DPH2: variants seen among roughly 807,000 people sequenced by gnomAD.
DPH2 encodes 2-(3-amino-3-carboxypropyl)histidine synthase subunit 2.
In DPH2, 28 loss-of-function variants were observed where a neutral mutation model predicts 42.5. The observed-to-expected ratio is 0.66, with a 90% CI of 0.49 to 0.90. DPH2 has a LOEUF of 0.90. Among genes scored for constraint, DPH2 ranks in the 40% least tolerant of loss-of-function variants. DPH2 has a pLI of 0.00. For missense variants in DPH2, 576 were observed against 636.0 expected (o/e 0.91, Z 1.01); for synonymous variants, 279 against 264.4 (o/e 1.06, Z -0.53).
Position 43,971,106 on chromosome 1 carries a change from G to C in DPH2, c.401G>C (p.Cys134Ser). Residue 134 changes from cysteine to serine, a missense_variant, in exon 3 of 6, where the codon TGT (cysteine) becomes TCT (serine). Cys to Ser is a moderately radical substitution (Grantham distance 112). Around this residue, in one of 3 missense-constraint regions of DPH2, gnomAD observed 395 missense variants for 435.2 expected, o/e 0.91. Transcript: ENST00000255108. ...CAACGTTCTGTGGCCTTGGAGCTCT[G>C]TGTCAAGGCCTTTGAGGCCCAGAAC... ...LRQRSVALEL[C>S]VKAFEAQNPD... is the part of the protein sequence containing the mutation. 6.4e-7 allele frequency: 1 copy of C among 1,559,440 alleles called. No individual in the cohort carries two copies. The highest frequency in any genetic ancestry group is 1.2e-5 in the South Asian group (1 of 84,890).
At chr1:43,970,439 C>T (rs577804660) in intron 1 of DPH2, 117 bp downstream of exon 1, 3 of 1,534,270 alleles carry the variant, frequency 2.0e-6, no homozygotes, top group Non-Finnish European at 2.7e-6. Context: ...CTGTCCGCAG[C>T]GCGTTGACCA....
chr1:43,972,634 C>CT lies in DPH2; in HGVS notation c.*97dup. The CT allele has an allele frequency of 6.5e-7, 1 of 1,548,042 alleles. No individual in the cohort carries two copies. Among genetic ancestry groups the CT allele is most frequent in the Non-Finnish European group, 8.8e-7 (1 of 1,139,792 alleles). ...AACCTCCCATCCCCCTGCCAAGATC[C>CT]TTGAAGGACCCTGGAAGGAGGGAGA... On this transcript the variant is annotated 3_prime_UTR_variant, in exon 6 of 6. Transcript: ENST00000255108.
rs1371496047 is a variant in DPH2 at position 43,971,949 on chromosome 1, G to T, written c.1047G>T (p.Gln349His). 12 of 1,614,240 alleles carry T rather than the reference G, an allele frequency of 7.4e-6. No individual in the cohort carries two copies. Among genetic ancestry groups the T allele is most frequent in the Non-Finnish European group, 9.3e-6 (11 of 1,180,050 alleles). The change falls in exon 4 of 6, where the codon CAG becomes CAT. Residue 349 changes from glutamine to histidine, a missense_variant. By Grantham distance (24) the Gln-to-His change is conservative (BLOSUM62 0). This residue lies in a region of DPH2 where 178 missense variants were observed against 184.4 expected (regional missense o/e 0.97). Transcript: ENST00000255108. ...GTCCTCTGGGTGCTCTAGCCCCCCA[G>T]CTTTCTGGTAGCTTCTTCCAGCCTA... is the stretch of plus-strand genomic sequence containing the variant. The part of the protein sequence containing the change: ...LACPLGALAP[Q>H]LSGSFFQPIL...
chr1:43,971,408 G>T lies in DPH2; in HGVS notation c.506G>T (p.Arg169Leu). 1 of 1,597,138 alleles carries T rather than the reference G, an allele frequency of 6.3e-7. No individual in the cohort carries two copies. Among genetic ancestry groups the T allele is most frequent in the Non-Finnish European group, 8.6e-7 (1 of 1,169,422 alleles). The change falls in exon 4 of 6, where the codon CGC becomes CTC. Residue 169 changes from arginine to leucine, a missense_variant. Arg to Leu is a moderately radical substitution (Grantham distance 102). This residue lies in a region of DPH2 where 395 missense variants were observed against 435.2 expected (regional missense o/e 0.91). Transcript: ENST00000255108. ...CCAGAGGCTTTGGCTACTCTCCTGCGCCCACGGTACCTGGACCTGCTAGTC... is the reference window on the plus strand; with the variant it reads ...CCAGAGGCTTTGGCTACTCTCCTGCTCCCACGGTACCTGGACCTGCTAGTC... ...HALEALATLL[R>L]PRYLDLLVSS...
rs975551270 is a variant in DPH2 at position 43,970,074 on chromosome 1, C to G, written c.-102C>G. ...GGCCGACTGTGATTCCCCCTACCCC[C>G]ACAAGGCGATTTTGACCCCCTGAGG... On this transcript the variant is annotated 5_prime_UTR_variant, in exon 1 of 6. Transcript: ENST00000255108. 3 of 1,413,814 alleles carry G rather than the reference C, an allele frequency of 2.1e-6. No individual in the cohort carries two copies. The highest frequency in any genetic ancestry group is 4.7e-5 in the East Asian group (2 of 42,288). 87.6% of individuals were successfully genotyped at this position (1,413,814 alleles called of 1,614,324 possible). A position where few individuals can be genotyped will look rare whatever the true frequency, so the allele number is the denominator to read the frequency against.
Position 43,970,083 on chromosome 1 carries a change from AT to A in DPH2, c.-89del, listed in dbSNP as rs1335294214. The A allele has an allele frequency of 6.8e-6, 10 of 1,478,370 alleles. No individual in the cohort carries two copies. Among genetic ancestry groups the A allele is most frequent in the Non-Finnish European group, 6.4e-6 (7 of 1,100,552 alleles). The allele number at this position is 1,478,370 out of a possible 1,614,324, so 91.6% of individuals were successfully genotyped here. Reference sequence around the variant, plus strand: ...TGATTCCCCCTACCCCCACAAGGCGATTTTGACCCCCTGAGGGCTGCTCTAG... The same window carrying A: ...TGATTCCCCCTACCCCCACAAGGCGATTTGACCCCCTGAGGGCTGCTCTAG... On this transcript the variant is annotated 5_prime_UTR_variant, in exon 1 of 6. The change creates a premature stop within an existing upstream ORF in the 5' untranslated region. Coordinates refer to ENST00000255108, the MANE Select transcript of DPH2 (RefSeq NM_001384.5).
chr1:43,972,020 C>A lies in DPH2; in HGVS notation c.1118C>A (p.Pro373Gln). ...ELEAACNPAW[P>Q]PPGLAPHLTH... The stretch of plus-strand genomic sequence containing the variant: ...GAAGCTGCCTGCAACCCTGCCTGGC[C>A]ACCTCCAGGCCTGGCTCCCCACCTC... Residue 373 changes from proline (P) to glutamine (Q), a missense_variant, in exon 4 of 6, where the codon CCA (proline) becomes CAA (glutamine). This residue lies in a region of DPH2 where 178 missense variants were observed against 184.4 expected (regional missense o/e 0.97). Coordinates refer to ENST00000255108, the MANE Select transcript of DPH2 (RefSeq NM_001384.5). 6.2e-7 allele frequency: 1 copy of A among 1,614,170 alleles called. No individual in the cohort carries two copies. The highest frequency in any genetic ancestry group is 1.1e-5 in the South Asian group (1 of 91,092).
chr1:43,971,116 C>T lies in DPH2; in HGVS notation c.411C>T (p.Ala137=). 6.4e-7 allele frequency: 1 copy of T among 1,558,632 alleles called. No individual in the cohort carries two copies. The highest frequency in any genetic ancestry group is 8.7e-7 in the Non-Finnish European group (1 of 1,150,230). ...RSVALELCVK[A]FEAQNPDPKA... is the part of the protein sequence containing the mutation. Reference sequence around the variant, plus strand: ...TGGCCTTGGAGCTCTGTGTCAAGGCCTTTGAGGCCCAGAACCCAGACCCCA... The same window carrying T: ...TGGCCTTGGAGCTCTGTGTCAAGGCTTTTGAGGCCCAGAACCCAGACCCCA... Residue 137 remains alanine (A), a synonymous_variant, in exon 3 of 6, where the codon GCC becomes GCT. Transcript: ENST00000255108.
chr1:43,972,165 C>G lies in DPH2; in HGVS notation c.1176C>G (p.Pro392=), dbSNP rs1557642928. 1 of 1,613,638 alleles carries G rather than the reference C, an allele frequency of 6.2e-7. No homozygotes were observed. The part of the protein sequence containing the change: ...THYADLLPGS[P]FHVALPPPES... ...TTTCCTCCTCCCTTTCAGGCTCTCC[C>G]TTCCACGTGGCTCTCCCACCACCTG... The change falls in exon 5 of 6, where the codon CCC becomes CCG. Residue 392 remains proline (P), a synonymous_variant. Transcript: ENST00000255108.
chr1:43,970,492 G>A, intron 1 of DPH2, 104 bp from the exon 2 acceptor site: 1 of 1,519,020 alleles, frequency 6.6e-7, no homozygotes, highest in African/African-American at 1.4e-5. Flanking sequence ...TGCCCCTCTG[G>A]GACCAGGGGC....
Position 43,970,328 on chromosome 1 carries a change from G to A in DPH2, c.147+6G>A. 6.2e-7 allele frequency: 1 copy of A among 1,613,702 alleles called. No individual in the cohort carries two copies. The highest frequency in any genetic ancestry group is 8.5e-7 in the Non-Finnish European group (1 of 1,179,788). The stretch of plus-strand genomic sequence containing the variant: ...GCGACCTGGGGTGTGAACGAGTGAG[G>A]ACAGACTTAGGGAAGGGTGGCTCGC... On this transcript the variant is annotated splice_donor_region_variant and intron_variant, in intron 1 of 5. Coordinates refer to ENST00000255108, the MANE Select transcript of DPH2 (RefSeq NM_001384.5).
chr1:43,970,570 C>T (rs773001958), intron 1 of DPH2, 26 bp from the exon 2 acceptor site: 16 of 1,611,158 alleles, frequency 9.9e-6, no homozygotes, highest in African/African-American at 1.3e-5. Context: ...AGAGGCTGTC[C>T]CTGACTCCAT....
At position 43,970,197 on chromosome 1, in the gene DPH2, CCTGCCGAGGCGGCG is replaced by C. The variant is rs760370833; in HGVS notation, c.27_40del (p.Glu10AlafsTer34). ...CCTCATGGAGTCGATGTTTAGCAGC[CCTGCCGAGGCGGCG>C]CTGCAGCGAGAGACCGGGGTGCCAG... On this transcript the variant is annotated frameshift_variant, in exon 1 of 6. Coordinates refer to ENST00000255108, the MANE Select transcript of DPH2 (RefSeq NM_001384.5). LOFTEE classifies it high-confidence loss of function. 28 of 1,614,010 alleles carry C rather than the reference CCTGCCGAGGCGGCG, an allele frequency of 1.7e-5. No individual in the cohort carries two copies. Among genetic ancestry groups the C allele is most frequent in the Non-Finnish European group, 2.4e-5 (28 of 1,180,018 alleles).
Position 43,972,076 on chromosome 1 carries a change from T to G in DPH2, c.1168+6T>G. ...TTATGCGGACTTATTGCCTGGTGAG[T>G]AGTGGGGGCATTGCCTAAGCTGGAA... On this transcript the variant is annotated splice_donor_region_variant and intron_variant, in intron 4 of 5. Coordinates refer to ENST00000255108, the MANE Select transcript of DPH2 (RefSeq NM_001384.5). 1 of 1,611,290 alleles carries G rather than the reference T, an allele frequency of 6.2e-7. No homozygotes were observed. The highest frequency in any genetic ancestry group is 8.5e-7 in the Non-Finnish European group (1 of 1,178,026).
In DPH2 at chr1:43,971,138, C is replaced by G; in HGVS notation, c.433C>G (p.Pro145Ala). The change falls in exon 3 of 6, where the codon CCC (proline) becomes GCC (alanine). Residue 145 changes from proline (P) to alanine (A), a missense_variant. Coordinates refer to ENST00000255108, the MANE Select transcript of DPH2 (RefSeq NM_001384.5). ...GGCCTTTGAGGCCCAGAACCCAGAC[C>G]CCAAAGCGCCTGTGGTGCTGCTGAG... ...VKAFEAQNPD[P>A]KAPVVLLSEP... 6.4e-7 allele frequency: 1 copy of G among 1,557,260 alleles called. No homozygotes were observed. Among genetic ancestry groups the G allele is most frequent in the Non-Finnish European group, 8.7e-7 (1 of 1,149,642 alleles).
chr1:43,971,607 T>G lies in DPH2; in HGVS notation c.705T>G (p.Ser235Arg). 1 of 1,613,852 alleles carries G rather than the reference T, an allele frequency of 6.2e-7. No homozygotes were observed. The highest frequency in any genetic ancestry group is 8.5e-7 in the Non-Finnish European group (1 of 1,179,776). The stretch of plus-strand genomic sequence containing the variant: ...ACCCAGACCTTGACCCAGACCTGAG[T>G]CGGCTGCTCTTGGGGTGGGCACCAG... ...SPDPDLDPDL[S>R]RLLLGWAPGQ... Residue 235 changes from serine to arginine, a missense_variant, in exon 4 of 6, where the codon AGT becomes AGG. Transcript: ENST00000255108.
rs765679623 is a variant in DPH2 at position 43,970,637 on chromosome 1, G to T, written c.189G>T (p.Val63=). 15 of 1,614,050 alleles carry T rather than the reference G, an allele frequency of 9.3e-6. No individual in the cohort carries two copies. In the East Asian group the frequency reaches 3.3e-4, roughly 36 times the overall value. Residue 63 remains valine, a synonymous_variant, in exon 2 of 6, where the codon GTG becomes GTT. Transcript: ENST00000255108. ...CTGACCAGCTATTGGGAGATGCTGT[G>T]GCTGTGGCTGCACGACTGGAGGAGA... The part of the protein sequence containing the change: ...QFPDQLLGDA[V]AVAARLEETT...
In DPH2 at chr1:43,971,739, A is replaced by G. The variant is rs779175873; in HGVS notation, c.837A>G (p.Arg279=). 6.2e-7 allele frequency: 1 copy of G among 1,610,826 alleles called. No individual in the cohort carries two copies. The highest frequency in any genetic ancestry group is 8.5e-7 in the Non-Finnish European group (1 of 1,179,652). The change falls in exon 4 of 6, where the codon AGA becomes AGG. Residue 279 remains arginine, a synonymous_variant. Coordinates refer to ENST00000255108, the MANE Select transcript of DPH2 (RefSeq NM_001384.5). ...ARRRYLVERA[R]DARVVGLLAG... Reference sequence around the variant, plus strand: ...GACGATATCTGGTAGAGAGGGCCAGAGATGCCCGCGTGGTAGGGCTGCTGG... The same window carrying G: ...GACGATATCTGGTAGAGAGGGCCAGGGATGCCCGCGTGGTAGGGCTGCTGG...
At chr1:43,970,822 T>C in intron 2 of DPH2, 114 bp downstream of exon 2, 2 of 1,290,192 alleles carry the variant, frequency 1.6e-6, no homozygotes, top group South Asian at 2.4e-5. Flanking sequence ...ATAATGGTAA[T>C]GACTCCCCTT....
Sources: gnomAD v4.1 joint callset for allele counts on GRCh38, gnomAD v4.1.1 for gene constraint, gnomAD v4.1.1 regional missense constraint, MANE v1.5 for transcripts, NCBI Gene and HGNC (gene_info 2026-07-23, HGNC 2026-07-21) for gene names.